WDR97: variants seen among roughly 807,000 people sequenced by gnomAD.
WDR97 encodes WD repeat-containing protein 97.
WDR97 carries 111 observed loss-of-function variants against 65.4 expected under a neutral mutation model. The observed-to-expected ratio is 1.70, with a 90% CI of 1.45 to 1.99. WDR97 has a LOEUF of 1.99. Among genes scored for constraint, WDR97 ranks in the 30% most tolerant of loss-of-function variants. The pLI, the probability that WDR97 is intolerant of heterozygous loss-of-function variation, is 0.00. For synonymous variants in WDR97, 802 were observed against 397.7 expected (o/e 2.02, Z -12.10); for missense variants, 1,674 against 865.0 (o/e 1.94, Z -11.73).
chr8:144,112,793 C>A (rs549634551), intron 15 of WDR97: 9 of 548,146 alleles, frequency 1.6e-5, no homozygotes, highest in Admixed American at 3.1e-5. Flanking sequence ...CAAAGCCAGT[C>A]CCCCCAGCCG....
At position 144,113,993 on chromosome 8, in the gene WDR97, C is replaced by A; in HGVS notation, c.3425C>A (p.Thr1142Asn). The A allele has an allele frequency of 1.4e-6, 1 of 702,632 alleles. No homozygotes were observed. Among genetic ancestry groups the A allele is most frequent in the Non-Finnish European group, 2.6e-6 (1 of 384,918 alleles). The allele number at this position is 702,632 out of a possible 1,614,324, so 43.5% of individuals were successfully genotyped here. ...ELEDQSAVDW[T>N]QEPRRRSCKV... ...CTCCCCTAGAGTGCTGTGGACTGGA[C>A]CCAGGAGCCCCGGCGGCGCAGCTGC... The change falls in exon 18 of 24, where the codon ACC (threonine) becomes AAC (asparagine). Residue 1142 changes from threonine (T) to asparagine (N), a missense_variant. Transcript: ENST00000323662.
Position 144,111,621 on chromosome 8 carries a change from C to G in WDR97, c.2488-11C>G, listed in dbSNP as rs1482164808. On this transcript the variant is annotated splice_polypyrimidine_tract_variant and intron_variant, in intron 11 of 23. Coordinates refer to ENST00000323662, the MANE Select transcript of WDR97 (RefSeq NM_001316309.2). ...AAGGAAGAGCAGGCTGATCCCTGAACCCTGACTCAGGACTTGGACGCCATA... is the reference window on the plus strand; with the variant it reads ...AAGGAAGAGCAGGCTGATCCCTGAAGCCTGACTCAGGACTTGGACGCCATA... The G allele has an allele frequency of 1.5e-6, 1 of 682,648 alleles. No homozygotes were observed. Among genetic ancestry groups the G allele is most frequent in the Non-Finnish European group, 2.7e-6 (1 of 374,014 alleles). 42.3% of individuals were successfully genotyped at this position (682,648 alleles called of 1,614,324 possible). A position where few individuals can be genotyped will look rare whatever the true frequency, so the allele number is the denominator to read the frequency against.
chr8:144,109,779 A>G lies in WDR97; in HGVS notation c.1445A>G (p.Tyr482Cys), dbSNP rs537389107. The stretch of plus-strand genomic sequence containing the variant: ...GAGGACTGCGCGGCAGCCGTGGCCT[A>G]CTGCCTGCCGCGCGAGGCGCTGTGG... Reference protein sequence around the residue: ...EPEDCAAAVAYCLPREALWLL... With the variant: ...EPEDCAAAVACCLPREALWLL... Residue 482 changes from tyrosine to cysteine, a missense_variant, in exon 5 of 24, where the codon TAC becomes TGC. Coordinates refer to ENST00000323662, the MANE Select transcript of WDR97 (RefSeq NM_001316309.2). The G allele has an allele frequency of 8.9e-6, 6 of 672,880 alleles. No homozygotes were observed. The South Asian group carries it at 9.3e-5, about 10-fold the overall frequency. 41.7% of individuals were successfully genotyped at this position (672,880 alleles called of 1,614,324 possible). A position where few individuals can be genotyped will look rare whatever the true frequency, so the allele number is the denominator to read the frequency against.
At position 144,115,943 on chromosome 8, in the gene WDR97, G is replaced by T. The variant is rs1836647892; in HGVS notation, c.4596G>T (p.Trp1532Cys). The change falls in exon 23 of 24, where the codon TGG becomes TGT. Residue 1532 changes from tryptophan to cysteine, a missense_variant and splice_region_variant. By Grantham distance (215) the Trp-to-Cys change is radical. Transcript: ENST00000323662. ...GCTGAACCCTCCTCTTTGCCTCCAGGTACCACCCCATCCTCCGGCTGCAGG... is the reference window on the plus strand; with the variant it reads ...GCTGAACCCTCCTCTTTGCCTCCAGTTACCACCCCATCCTCCGGCTGCAGG... ...DMVVPPPREH[W>C]YHPILRLQEA... 1.4e-6 allele frequency: 1 copy of T among 701,142 alleles called. No individual in the cohort carries two copies. Among genetic ancestry groups the T allele is most frequent in the South Asian group, 1.5e-5 (1 of 67,576 alleles). 43.4% of individuals were successfully genotyped at this position (701,142 alleles called of 1,614,324 possible).
rs777047564 is a variant in WDR97, at chr8:144,108,628, G to A, written c.562G>A (p.Glu188Lys). The change falls in exon 3 of 24, where the codon GAG becomes AAG. Residue 188 changes from glutamate to lysine, a missense_variant. By Grantham distance (56) the Glu-to-Lys change is moderately conservative (BLOSUM62 1). Transcript: ENST00000323662. Reference protein sequence around the residue: ...RPNLSLLWLSEQGVGRAPGWA... With the variant: ...RPNLSLLWLSKQGVGRAPGWA... ...CAACCTCAGCCTGCTGTGGCTGAGC[G>A]AGCAGGGGGTGGGCAGGGCCCCGGG... 27 of 700,364 alleles carry A rather than the reference G, an allele frequency of 3.9e-5. No homozygotes were observed. The highest frequency in any genetic ancestry group is 2.7e-4 in the South Asian group (18 of 67,486). 43.4% of individuals were successfully genotyped at this position (700,364 alleles called of 1,614,324 possible). A position where few individuals can be genotyped will look rare whatever the true frequency, so the allele number is the denominator to read the frequency against.
intron 14 of WDR97, 34 bp from the exon 15 acceptor site, chr8:144,112,413 C>T: frequency 1.4e-6 from 1 of 702,606 alleles, no homozygotes. Flanking sequence ...GTGCTAGGGG[C>T]TGTGTTGTTC....
chr8:144,110,389 A>AGAGCCT lies in WDR97; in HGVS notation c.1900_1905dup (p.Ser634_Leu635dup), dbSNP rs1352161941. ...TGGCGCGTCTTCCCCTATGCCGAAG[A>AGAGCCT]GAGCCTGAGCCTGCTGCGCACCTTC... On this transcript the variant is annotated inframe_insertion, in exon 7 of 24. Coordinates refer to ENST00000323662, the MANE Select transcript of WDR97 (RefSeq NM_001316309.2). 507 of 702,996 alleles carry AGAGCCT rather than the reference A, an allele frequency of 7.2e-4. 10 individuals carry two copies. In the East Asian group the frequency reaches 0.013, roughly 19 times the overall value. 43.5% of individuals were successfully genotyped at this position (702,996 alleles called of 1,614,324 possible).
chr8:144,111,578 C>A (rs779980196), intron 11 of WDR97, 54 bp from the exon 12 acceptor site: 2 of 680,266 alleles, frequency 2.9e-6, no homozygotes, highest in Non-Finnish European at 5.4e-6. Context: ...GTTGCCCGGG[C>A]AGCACATAGC....
Position 144,114,410 on chromosome 8 carries a change from C to A in WDR97, c.3727C>A (p.Leu1243Ile), listed in dbSNP as rs1040712947. Residue 1243 changes from leucine to isoleucine, a missense_variant, in exon 19 of 24, where the codon CTC (leucine) becomes ATC (isoleucine). Coordinates refer to ENST00000323662, the MANE Select transcript of WDR97 (RefSeq NM_001316309.2). ...ACTGCTGCCCAACATGAGCAGTGAT[C>A]TCCAAGGCCAGCTGCAGGGCCTGCT... The part of the protein sequence containing the change: ...LRLLPNMSSD[L>I]QGQLQGLLVH... 1.4e-6 allele frequency: 1 copy of A among 702,728 alleles called. No homozygotes were observed. Among genetic ancestry groups the A allele is most frequent in the African/African-American group, 1.7e-5 (1 of 57,242 alleles). The allele number at this position is 702,728 out of a possible 1,614,324, so 43.5% of individuals were successfully genotyped here.
chr8:144,116,204 C>T lies in WDR97; in HGVS notation c.4780C>T (p.Pro1594Ser). Reference protein sequence around the residue: ...PQPFPLDWPMPPRPLPPRLLQ... With the variant: ...PQPFPLDWPMSPRPLPPRLLQ... Reference sequence around the variant, plus strand: ...GCCTTTCCCCCTGGACTGGCCTATGCCCCCGCGCCCGCTGCCCCCGCGGCT... The same window carrying T: ...GCCTTTCCCCCTGGACTGGCCTATGTCCCCGCGCCCGCTGCCCCCGCGGCT... Residue 1594 changes from proline (P) to serine (S), a missense_variant, in exon 24 of 24, where the codon CCC (proline) becomes TCC (serine). Coordinates refer to ENST00000323662, the MANE Select transcript of WDR97 (RefSeq NM_001316309.2). The T allele has an allele frequency of 2.9e-6, 2 of 689,128 alleles. No individual in the cohort carries two copies. Among genetic ancestry groups the T allele is most frequent in the Non-Finnish European group, 2.6e-6 (1 of 378,334 alleles). 42.7% of individuals were successfully genotyped at this position (689,128 alleles called of 1,614,324 possible). A position where few individuals can be genotyped will look rare whatever the true frequency, so the allele number is the denominator to read the frequency against.
At chr8:144,111,349 T>C (rs545981961) in intron 10 of WDR97, 77 bp from the exon 11 acceptor site, 3 of 702,728 alleles carry the variant, frequency 4.3e-6, no homozygotes, top group Admixed American at 4.0e-5. Flanking sequence ...CGTTTGGGGT[T>C]GGTCCTTGTC....
At chr8:144,113,063 T>G (rs1231757315) in intron 15 of WDR97, 1 of 372,114 alleles carries the variant, frequency 2.7e-6, no homozygotes, top group African/African-American at 2.1e-5. Context: ...CATCATGCTC[T>G]TCATTGCCCT....
rs956720455 is a variant in WDR97, at chr8:144,109,600, C to T, written c.1266C>T (p.Pro422=). 1.6e-5 allele frequency: 11 copies of T among 689,160 alleles called. No individual in the cohort carries two copies. In the Admixed American group the frequency reaches 1.8e-4, roughly 12 times the overall value. 42.7% of individuals were successfully genotyped at this position (689,160 alleles called of 1,614,324 possible). The change falls in exon 5 of 24, where the codon CCC becomes CCT. Residue 422 remains proline, a synonymous_variant. Coordinates refer to ENST00000323662, the MANE Select transcript of WDR97 (RefSeq NM_001316309.2). ...TCTACTCGCCGTTGGCGCAACTGCC[C>T]GCCAAGGTGCTCCACGTGCAGGTGG... The part of the protein sequence containing the change: ...RELYSPLAQL[P]AKVLHVQVAP...
At position 144,111,506 on chromosome 8, in the gene WDR97, G is replaced by A. The variant is rs1355999640; in HGVS notation, c.2487+20G>A. 2.0e-5 allele frequency: 14 copies of A among 701,598 alleles called. No homozygotes were observed. The East Asian group carries it at 3.2e-4, about 16-fold the overall frequency. 43.5% of individuals were successfully genotyped at this position (701,598 alleles called of 1,614,324 possible). On this transcript the variant is annotated intron_variant, in intron 11 of 23. Coordinates refer to ENST00000323662, the MANE Select transcript of WDR97 (RefSeq NM_001316309.2). ...AAGGAGGTGGGGTGGGTCCTCCTTAGCCCGCCCTGCCCCGGCTCAGGCCCC... is the reference window on the plus strand; with the variant it reads ...AAGGAGGTGGGGTGGGTCCTCCTTAACCCGCCCTGCCCCGGCTCAGGCCCC...
chr8:144,114,934 G>T, intron 21 of WDR97, 23 bp downstream of exon 21: 1 of 670,154 alleles, frequency 1.5e-6, no homozygotes, highest in Non-Finnish European at 2.7e-6. Flanking sequence ...GGGGCCGGGG[G>T]GGCCTTGGGA....
chr8:144,114,777 C>A lies in WDR97; in HGVS notation c.3943C>A (p.Leu1315Met), dbSNP rs1475189496. 1.4e-6 allele frequency: 1 copy of A among 702,136 alleles called. No individual in the cohort carries two copies. Among genetic ancestry groups the A allele is most frequent in the East Asian group, 2.7e-5 (1 of 37,282 alleles). 43.5% of individuals were successfully genotyped at this position (702,136 alleles called of 1,614,324 possible). A position where few individuals can be genotyped will look rare whatever the true frequency, so the allele number is the denominator to read the frequency against. ...RPELKKLLHGLGLQDPEGFLF... is the reference protein window; with the variant it reads ...RPELKKLLHGMGLQDPEGFLF... ...AGAGCTCAAGAAGCTGCTGCACGGGCTGGGCCTTCAGGACCCAGAGGGCTT... is the reference window on the plus strand; with the variant it reads ...AGAGCTCAAGAAGCTGCTGCACGGGATGGGCCTTCAGGACCCAGAGGGCTT... The change falls in exon 21 of 24, where the codon CTG becomes ATG. Residue 1315 changes from leucine (L) to methionine (M), a missense_variant. Leu to Met is a conservative substitution (Grantham distance 15, BLOSUM62 2). Transcript: ENST00000323662.
rs747475346 is a variant in WDR97 at position 144,111,651 on chromosome 8, C to T, written c.2507C>T (p.Ala836Val). The T allele has an allele frequency of 2.9e-5, 20 of 694,478 alleles. No individual in the cohort carries two copies. In the East Asian group the frequency reaches 4.8e-4, roughly 17 times the overall value. 43.0% of individuals were successfully genotyped at this position (694,478 alleles called of 1,614,324 possible). Residue 836 changes from alanine (A) to valine (V), a missense_variant, in exon 12 of 24, where the codon GCC becomes GTC. Coordinates refer to ENST00000323662, the MANE Select transcript of WDR97 (RefSeq NM_001316309.2). ...VPKEDLDAIVARDRDLQQLRL... is the reference protein window; with the variant it reads ...VPKEDLDAIVVRDRDLQQLRL... ...ACTCAGGACTTGGACGCCATAGTGG[C>T]CCGGGACCGAGACCTTCAGCAGTTG...
In WDR97 at chr8:144,110,225, C is replaced by G; in HGVS notation, c.1812C>G (p.Ile604Met). ...EAHSPGPVVAIASTWNSIVSS... is the reference protein window; with the variant it reads ...EAHSPGPVVAMASTWNSIVSS... Reference sequence around the variant, plus strand: ...ACAGCCCGGGCCCGGTTGTCGCCATCGCATCCACCTGGAACAGCATTGTGT... The same window carrying G: ...ACAGCCCGGGCCCGGTTGTCGCCATGGCATCCACCTGGAACAGCATTGTGT... The change falls in exon 6 of 24, where the codon ATC becomes ATG. Residue 604 changes from isoleucine (I) to methionine (M), a missense_variant. Coordinates refer to ENST00000323662, the MANE Select transcript of WDR97 (RefSeq NM_001316309.2). 1.4e-6 allele frequency: 1 copy of G among 702,930 alleles called. No individual in the cohort carries two copies. The highest frequency in any genetic ancestry group is 2.7e-5 in the East Asian group (1 of 37,270). 43.5% of individuals were successfully genotyped at this position (702,930 alleles called of 1,614,324 possible). A position where few individuals can be genotyped will look rare whatever the true frequency, so the allele number is the denominator to read the frequency against.
intron 15 of WDR97, chr8:144,113,098 C>G: frequency 2.3e-6 from 1 of 442,774 alleles, no homozygotes; most frequent in South Asian, 3.2e-5. Context: ...TCCTTCCTCC[C>G]TGGCCCCTGT....
Sources: gnomAD v4.1 joint callset for allele counts on GRCh38, gnomAD v4.1.1 for gene constraint, MANE v1.5 for transcripts, NCBI Gene and HGNC (gene_info 2026-07-23, HGNC 2026-07-21) for gene names.